The following PDP1 variants were observed in gnomAD, a reference collection of about 807,000 sequenced individuals.
The protein encoded by PDP1 is pyruvate dehydrogenase phosphatase catalytic subunit 1, also known as pyruvate dehyrogenase phosphatase catalytic subunit 1.
PDP1 carries 14 observed loss-of-function variants against 37.1 expected under a neutral mutation model. The observed-to-expected ratio is 0.38, with a 90% CI of 0.25 to 0.59. PDP1 has a LOEUF of 0.59. Among genes scored for constraint, PDP1 ranks in the 20% least tolerant of loss-of-function variants. The pLI, the probability that PDP1 is intolerant of heterozygous loss-of-function variation, is 0.67. For missense variants in PDP1, 544 were observed against 655.3 expected, an observed-to-expected ratio of 0.83 and a Z score of 1.85; for synonymous variants, 251 against 243.3, an observed-to-expected ratio of 1.03 and a Z score of -0.29.
rs1477729607 is a variant in PDP1 at position 93,923,808 on chromosome 8, G to A, written c.*135G>A. The A allele has an allele frequency of 1.6e-5, 13 of 803,716 alleles. No individual in the cohort carries two copies. The highest frequency in any genetic ancestry group is 2.9e-5 in the South Asian group (2 of 67,884). 49.8% of individuals were successfully genotyped at this position (803,716 alleles called of 1,614,324 possible). ...CCCTTTTGATACTCTAGCTAGTCAGGTACTCCAAATTGACTTTGCAGCAGG... is the reference window on the plus strand; with the variant it reads ...CCCTTTTGATACTCTAGCTAGTCAGATACTCCAAATTGACTTTGCAGCAGG... On this transcript the variant is annotated 3_prime_UTR_variant, in exon 2 of 2. Transcript: ENST00000297598. This position sits in a 1 kb window ranked among gnomAD's most constrained non-coding sequence, Gnocchi z 4.3.
At chr8:93,917,715 C>A in intron 1 of PDP1, 2 of 1,150,496 alleles carry the variant, frequency 1.7e-6, no homozygotes, top group South Asian at 1.5e-5. Flanking sequence ...CTTTATCCCT[C>A]CTCCATCCTC....
Position 93,922,539 on chromosome 8 carries a change from T to C in PDP1, c.480T>C (p.Phe160=). The change falls in exon 2 of 2, where the codon TTT becomes TTC. Residue 160 remains phenylalanine (F), a synonymous_variant. Coordinates refer to ENST00000297598, the MANE Select transcript of PDP1 (RefSeq NM_018444.4). The surrounding 1 kb of genome is among the most constrained non-coding windows in gnomAD (Gnocchi z 4.0). ...ACSQAVSERL[F]YYIAVSLLPH... is the part of the protein sequence containing the mutation. Reference sequence around the variant, plus strand: ...CCCAGGCAGTCAGTGAAAGACTCTTTTATTATATTGCTGTCTCTTTGTTAC... The same window carrying C: ...CCCAGGCAGTCAGTGAAAGACTCTTCTATTATATTGCTGTCTCTTTGTTAC... 6.2e-7 allele frequency: 1 copy of C among 1,613,960 alleles called. No individual in the cohort carries two copies. Among genetic ancestry groups the C allele is most frequent in the Non-Finnish European group, 8.5e-7 (1 of 1,180,032 alleles).
chr8:93,917,688 C>G, intron 1 of PDP1: 1 of 941,504 alleles, frequency 1.1e-6, no homozygotes, highest in East Asian at 2.7e-5. Context: ...TGGTTGGCTT[C>G]CTTGTTCTCT....
Position 93,922,739 on chromosome 8 carries a change from C to G in PDP1, c.680C>G (p.Ser227Trp). Reference sequence around the variant, plus strand: ...CTTATAGACCTCAACACTGGTGAGTCGACTGATATTGATGTTAAGGAGGCT... The same window carrying G: ...CTTATAGACCTCAACACTGGTGAGTGGACTGATATTGATGTTAAGGAGGCT... ...QELIDLNTGE[S>W]TDIDVKEALI... The change falls in exon 2 of 2, where the codon TCG becomes TGG. Residue 227 changes from serine (S) to tryptophan (W), a missense_variant. Coordinates refer to ENST00000297598, the MANE Select transcript of PDP1 (RefSeq NM_018444.4). The surrounding 1 kb of genome is among the most constrained non-coding windows in gnomAD (Gnocchi z 4.0). The G allele has an allele frequency of 6.2e-7, 1 of 1,614,050 alleles. No homozygotes were observed. Among genetic ancestry groups the G allele is most frequent in the Non-Finnish European group, 8.5e-7 (1 of 1,179,964 alleles).
rs1396942822 is a variant in PDP1 at position 93,924,921 on chromosome 8, C to T, written c.*1248C>T. 1 of 167,004 alleles carries T rather than the reference C, an allele frequency of 6.0e-6. No individual in the cohort carries two copies. Among genetic ancestry groups the T allele is most frequent in the Non-Finnish European group, 1.5e-5 (1 of 68,128 alleles). 10.3% of individuals were successfully genotyped at this position (167,004 alleles called of 1,614,324 possible). ...TATTCAGTCCCTTCTAATACTGTATCAATGTAAATGAAATAAATATATTCA... is the reference window on the plus strand; with the variant it reads ...TATTCAGTCCCTTCTAATACTGTATTAATGTAAATGAAATAAATATATTCA... On this transcript the variant is annotated 3_prime_UTR_variant, in exon 2 of 2. Coordinates refer to ENST00000297598, the MANE Select transcript of PDP1 (RefSeq NM_018444.4).
intron 1 of PDP1, chr8:93,919,012 C>G (rs1044257655): frequency 9.4e-6 from 2 of 212,882 alleles, no homozygotes; most frequent in Non-Finnish European, 1.6e-5. Flanking sequence ...AGGATATAAT[C>G]TCAGTCCATG....
At position 93,924,029 on chromosome 8, in the gene PDP1, A is replaced by G; in HGVS notation, c.*356A>G. 1 of 325,814 alleles carries G rather than the reference A, an allele frequency of 3.1e-6. No homozygotes were observed. Among genetic ancestry groups the G allele is most frequent in the South Asian group, 3.0e-5 (1 of 33,146 alleles). 20.2% of individuals were successfully genotyped at this position (325,814 alleles called of 1,614,324 possible). ...TCTTGCTGTGTGTAGTCTCTTGGTT[A>G]AAGTGAAGAAACAGTACTGTTCACA... On this transcript the variant is annotated 3_prime_UTR_variant, in exon 2 of 2. Coordinates refer to ENST00000297598, the MANE Select transcript of PDP1 (RefSeq NM_018444.4).
chr8:93,919,218 T>C, intron 1 of PDP1: 1 of 680,442 alleles, frequency 1.5e-6, no homozygotes, highest in South Asian at 6.5e-5. Context: ...TTGCAGTCAA[T>C]TACAAAAGTA....
intron 1 of PDP1, chr8:93,919,178 A>T: frequency 1.1e-6 from 1 of 931,138 alleles, no homozygotes. Flanking sequence ...TGTGTCAATC[A>T]TTGCTTTTTG....
At chr8:93,921,351 A>T in intron 1 of PDP1, 2 of 984,658 alleles carry the variant, frequency 2.0e-6, no homozygotes, top group Non-Finnish European at 2.4e-6. Flanking sequence ...GTTTTGCAAG[A>T]CCATCTACTG....
chr8:93,918,971 C>A (rs1810173828), intron 1 of PDP1: 1 of 158,646 alleles, frequency 6.3e-6, no homozygotes, highest in African/African-American at 2.4e-5. Context: ...GGAATTTTGT[C>A]TTTTGAAGGC....
chr8:93,925,246 A>C lies in PDP1; in HGVS notation c.*1573A>C, dbSNP rs1810400970. On this transcript the variant is annotated 3_prime_UTR_variant, in exon 2 of 2. Transcript: ENST00000297598. Reference sequence around the variant, plus strand: ...GCTGCAGAATTTGTTTCAATTGAAAATAGACTCAGGAAGATTGCTGCTCAG... The same window carrying C: ...GCTGCAGAATTTGTTTCAATTGAAACTAGACTCAGGAAGATTGCTGCTCAG... 6.0e-6 allele frequency: 1 copy of C among 166,808 alleles called. No individual in the cohort carries two copies. Among genetic ancestry groups the C allele is most frequent in the Non-Finnish European group, 1.5e-5 (1 of 68,088 alleles). 10.3% of individuals were successfully genotyped at this position (166,808 alleles called of 1,614,324 possible).
At position 93,923,958 on chromosome 8, in the gene PDP1, T is replaced by G; in HGVS notation, c.*285T>G. 1 of 406,196 alleles carries G rather than the reference T, an allele frequency of 2.5e-6. No individual in the cohort carries two copies. The allele number at this position is 406,196 out of a possible 1,614,324, so 25.2% of individuals were successfully genotyped here. ...GCTTCTTTTACCAACCTGAGAAAATTAGGATGACCTGGCAAATAAGATCTT... is the reference window on the plus strand; with the variant it reads ...GCTTCTTTTACCAACCTGAGAAAATGAGGATGACCTGGCAAATAAGATCTT... On this transcript the variant is annotated 3_prime_UTR_variant, in exon 2 of 2. Coordinates refer to ENST00000297598, the MANE Select transcript of PDP1 (RefSeq NM_018444.4). The surrounding 1 kb of genome is among the most constrained non-coding windows in gnomAD (Gnocchi z 4.3).
chr8:93,917,791 C>T, intron 1 of PDP1: 2 of 1,579,134 alleles, frequency 1.3e-6, no homozygotes, highest in Non-Finnish European at 1.7e-6. Flanking sequence ...CCGCTCCCGC[C>T]TCCCCGCCGC....
rs766605438 is a variant in PDP1, at chr8:93,923,166, A to G, written c.1107A>G (p.Ile369Met). Residue 369 changes from isoleucine (I) to methionine (M), a missense_variant, in exon 2 of 2, where the codon ATA (isoleucine) becomes ATG (methionine). Coordinates refer to ENST00000297598, the MANE Select transcript of PDP1 (RefSeq NM_018444.4). The surrounding 1 kb of genome is among the most constrained non-coding windows in gnomAD (Gnocchi z 4.3). ...GCATTGACCTTCAAAAGAGAGTGAT[A>G]GAATCTGGCCCAGACCAGTTGAATG... The part of the protein sequence containing the change: ...KWSIDLQKRV[I>M]ESGPDQLNDN... The G allele has an allele frequency of 6.2e-7, 1 of 1,614,218 alleles. No individual in the cohort carries two copies. Among genetic ancestry groups the G allele is most frequent in the Admixed American group, 1.7e-5 (1 of 60,020 alleles).
chr8:93,918,634 C>T (rs955771900), intron 1 of PDP1, among the ~76,000 whole-genome samples: 1 of 152,160 alleles, frequency 6.6e-6, no homozygotes, highest in Non-Finnish European at 1.5e-5. Context: ...AAATTGTGAT[C>T]AAGAATAACT....
intron 1 of PDP1, chr8:93,917,794 C>G (rs1041031177): frequency 1.3e-6 from 2 of 1,581,742 alleles, no homozygotes; most frequent in African/African-American, 2.7e-5. Flanking sequence ...CTCCCGCCTC[C>G]CCGCCGCCGC....
At chr8:93,921,057 C>T (rs1586154197) in intron 1 of PDP1, 4 of 979,632 alleles carry the variant, frequency 4.1e-6, no homozygotes, top group Non-Finnish European at 4.8e-6. Flanking sequence ...TTTAGAGCTA[C>T]TGCAATACTT....
Position 93,922,295 on chromosome 8 carries a change from A to G in PDP1, c.236A>G (p.Tyr79Cys). ...TATGCTTCCACACCACAGAAATTTT[A>G]CCTCACACCTCCACAAGTCAATAGC... ...RRYASTPQKF[Y>C]LTPPQVNSIL... The change falls in exon 2 of 2, where the codon TAC becomes TGC. Residue 79 changes from tyrosine (Y) to cysteine (C), a missense_variant. By Grantham distance (194) the Tyr-to-Cys change is radical. This residue lies in a region of PDP1 where 342 missense variants were observed against 414.0 expected (regional missense o/e 0.83). Coordinates refer to ENST00000297598, the MANE Select transcript of PDP1 (RefSeq NM_018444.4). The surrounding 1 kb of genome is among the most constrained non-coding windows in gnomAD (Gnocchi z 4.0). 1.9e-6 allele frequency: 3 copies of G among 1,614,186 alleles called. No individual in the cohort carries two copies. The highest frequency in any genetic ancestry group is 2.5e-6 in the Non-Finnish European group (3 of 1,180,026).
Sources: allele counts gnomAD v4.1 joint callset (sites outside exome capture counted in the v4.1 genomes callset), GRCh38; gene constraint gnomAD v4.1.1; regional missense constraint gnomAD v4.1.1; non-coding constraint Gnocchi (gnomAD v3.1); transcripts MANE v1.5; gene names NCBI Gene and HGNC (gene_info 2026-07-23, HGNC 2026-07-21).